Variants in ARSF observed in about 807,000 individuals in gnomAD.
ARSF encodes arylsulfatase F.
A neutral mutation model predicts 35.4 loss-of-function variants in ARSF; 33 were observed. That is an observed-to-expected ratio of 0.93 (90% confidence interval 0.71 to 1.25). The LOEUF is 1.25. Among genes scored for constraint, ARSF ranks in the 50% most tolerant of loss-of-function variants. The pLI, the probability that ARSF is intolerant of heterozygous loss-of-function variation, is 0.00. For missense variants in ARSF, 501 were observed against 480.2 expected, an observed-to-expected ratio of 1.04 and a Z score of -0.40; for synonymous variants, 222 against 193.1, an observed-to-expected ratio of 1.15 and a Z score of -1.24.
intron 1 of ARSF, among the ~76,000 whole-genome samples, chrX:3,063,960 G>A (rs2090052914): frequency 8.9e-6 from 1 of 111,808 alleles, no homozygotes; most frequent in African/African-American, 3.3e-5. Flanking sequence ...CGACTTTAAA[G>A]TTCATATGGA....
chrX:3,067,167 T>G (rs2090071774), intron 1 of ARSF, among the ~76,000 whole-genome samples: 1 of 108,294 alleles, frequency 9.2e-6, no homozygotes, highest in Non-Finnish European at 1.9e-5. Context: ...CGTGCGTGTG[T>G]GTCTGTGTAG....
intron 2 of ARSF, among the ~76,000 whole-genome samples, chrX:3,071,596 A>G (rs2090104654): frequency 1.8e-5 from 2 of 110,181 alleles, no homozygotes; most frequent in South Asian, 7.9e-4. Flanking sequence ...GAGCCACCAC[A>G]CCCGGCCGCA....
At chrX:3,060,689 C>T (rs1245688182) in intron 1 of ARSF, among the ~76,000 whole-genome samples, 14 of 111,302 alleles carry the variant, frequency 1.3e-4, no homozygotes, top group African/African-American at 4.6e-4. Context: ...ATAGCCGATT[C>T]AATCAAGTGG....
At chrX:3,103,413 T>C (rs900575042) in intron 8 of ARSF, among the ~76,000 whole-genome samples, 5 of 110,545 alleles carry the variant, frequency 4.5e-5, no homozygotes, top group African/African-American at 1.6e-4. Flanking sequence ...AAGAAAAATA[T>C]TAATTAAAAA....
rs759666385 is a variant in ARSF at position 3,101,148 on chromosome X, A to G, written c.1029A>G (p.Thr343=). The G allele has an allele frequency of 2.5e-5, 30 of 1,209,129 alleles. No individual in the cohort carries two copies. The highest frequency in any genetic ancestry group is 2.2e-5 in the Non-Finnish European group (20 of 894,867). The change falls in exon 8 of 11, where the codon ACA becomes ACG. Residue 343 remains threonine (T), a synonymous_variant. Coordinates refer to ENST00000381127, the MANE Select transcript of ARSF (RefSeq NM_001201539.2). ...GLRNNTLVYF[T]SDHGGHLEAR... is the part of the protein sequence containing the mutation. ...GGAACAACACCCTTGTCTACTTTAC[A>G]TCAGATCACGGAGGGCATTTGGAAG...
chrX:3,092,210 T>A (rs2090298447), intron 7 of ARSF, among the ~76,000 whole-genome samples: 1 of 109,131 alleles, frequency 9.2e-6, no homozygotes, highest in South Asian at 4.0e-4. Context: ...CATACATACA[T>A]AGATACATAG....
intron 1 of ARSF, among the ~76,000 whole-genome samples, chrX:3,063,155 C>A (rs1367220359): frequency 8.9e-6 from 1 of 111,796 alleles, no homozygotes; most frequent in East Asian, 2.8e-4. Flanking sequence ...TCAACATATG[C>A]AAATCAGTAA....
intron 1 of ARSF, among the ~76,000 whole-genome samples, chrX:3,054,274 C>T (rs1359457601): frequency 9.0e-6 from 1 of 111,214 alleles, no homozygotes; most frequent in East Asian, 2.8e-4. Context: ...CTATTACTAC[C>T]TCCAAGGTCC....
chrX:3,074,399 TG>T (rs1271535926), intron 3 of ARSF, among the ~76,000 whole-genome samples: 2 of 111,457 alleles, frequency 1.8e-5, no homozygotes, highest in Non-Finnish European at 3.8e-5. Flanking sequence ...TTGGTAAAGC[TG>T]GAACTTCTCC....
chrX:3,088,959 C>A (rs951256971), intron 6 of ARSF, among the ~76,000 whole-genome samples: 1 of 111,208 alleles, frequency 9.0e-6, no homozygotes, highest in Admixed American at 9.6e-5. Context: ...GGAATGGAAT[C>A]ATCAGAATAT....
In ARSF at chrX:3,068,742, A is replaced by C. The variant is rs183557145; in HGVS notation, c.11+631A>C. ...TGTGCCCAGCCGTATACATGATTTT[A>C]AAGTGTTGTAAAAACAGGAGGTGAA... is the stretch of plus-strand genomic sequence containing the variant. On this transcript the variant is annotated intron_variant, in intron 2 of 10. Transcript: ENST00000381127. 4.0e-3 allele frequency among the ~76,000 whole-genome samples: 444 copies of C among 110,898 alleles called. 1 individual carries two copies. Among genetic ancestry groups the C allele is most frequent in the African/African-American group, 0.014 (414 of 30,460 alleles).
At chrX:3,090,212 G>A (rs1394566912) in intron 7 of ARSF, among the ~76,000 whole-genome samples, 2 of 111,648 alleles carry the variant, frequency 1.8e-5, no homozygotes, top group Non-Finnish European at 3.8e-5. Context: ...ACAACGTGAC[G>A]TTAAAAGATA....
intron 1 of ARSF, among the ~76,000 whole-genome samples, chrX:3,050,638 T>A (rs2089993359): frequency 9.1e-6 from 1 of 110,116 alleles, no homozygotes; most frequent in Admixed American, 9.7e-5. Flanking sequence ...AGATCAAGTG[T>A]ATGGTTGACC....
At chrX:3,109,787 CAATAT>C (rs1464633292) in intron 9 of ARSF, among the ~76,000 whole-genome samples, 1 of 112,178 alleles carries the variant, frequency 8.9e-6, no homozygotes, top group Non-Finnish European at 1.9e-5. Flanking sequence ...CAAAGGGTAG[CAATAT>C]AATTGCAAAT....
intron 9 of ARSF, among the ~76,000 whole-genome samples, chrX:3,107,105 G>T (rs2090415910): frequency 1.8e-5 from 2 of 111,797 alleles, no homozygotes; most frequent in Non-Finnish European, 3.8e-5. Flanking sequence ...GAATAATGAC[G>T]AGAAAAAGTC....
intron 4 of ARSF, among the ~76,000 whole-genome samples, chrX:3,079,342 ATTT>A (rs57390116): frequency 0.075 from 5,348 of 71,095 alleles, 187 homozygotes; most frequent in Non-Finnish European, 0.1. Context: ...GCATGGTTCT[ATTT>A]TTTTTTTTTT....
At chrX:3,056,468 G>A (rs1036677975) in intron 1 of ARSF, among the ~76,000 whole-genome samples, 6 of 109,683 alleles carry the variant, frequency 5.5e-5, no homozygotes, top group South Asian at 7.9e-4. Flanking sequence ...TAGAGACGGC[G>A]TTTCGCCCTG....
chrX:3,047,842 C>T (rs1295222662), intron 1 of ARSF, among the ~76,000 whole-genome samples: 2 of 110,662 alleles, frequency 1.8e-5, no homozygotes, highest in Non-Finnish European at 3.8e-5. Context: ...CTGATAAAGA[C>T]ATACCCGAGA....
intron 9 of ARSF, 112 bp downstream of exon 9, chrX:3,104,036 T>G (rs755081572): frequency 1.2e-6 from 1 of 809,458 alleles, no homozygotes; most frequent in East Asian, 3.3e-5. Flanking sequence ...TTCCCTAGTA[T>G]CTACACAGTT....
Sources: gnomAD v4.1 joint callset for allele counts (sites outside exome capture counted in the v4.1 genomes callset) on GRCh38, gnomAD v4.1.1 for gene constraint, MANE v1.5 for transcripts, NCBI Gene and HGNC (gene_info 2026-07-23, HGNC 2026-07-21) for gene names.